CREB3L4: variants seen among roughly 807,000 people sequenced by gnomAD.
The protein encoded by CREB3L4 is cyclic AMP-responsive element-binding protein 3-like protein 4.
A neutral mutation model predicts 37.0 loss-of-function variants in CREB3L4; 28 were observed. The observed-to-expected ratio is 0.76, with a 90% CI of 0.56 to 1.04. The LOEUF is 1.04. CREB3L4 is among the 50% of genes least tolerant of loss of function. The pLI is 0.00. For synonymous variants in CREB3L4, 175 were observed against 192.2 expected (o/e 0.91, Z 0.74); for missense variants, 462 against 486.0 (o/e 0.95, Z 0.46).
At chr1:153,971,581 CTTTTTCTTTT>C (rs1648376609) in intron 4 of CREB3L4, among the ~76,000 whole-genome samples, 1 of 113,666 alleles carries the variant, frequency 8.8e-6, no homozygotes, top group African/African-American at 3.0e-5. Context: ...TTTTCTTTTT[CTTTTTCTTTT>C]TTTTTTTTTT....
rs763524911 is a variant in CREB3L4, at chr1:153,969,176, G to T, written c.421G>T (p.Asp141Tyr). Reference sequence around the variant, plus strand: ...TGTAGGCCTTATCTCCATCCAGCTAGGTCAGTGTTCTTTGTGGGAAGGGGG... The same window carrying T: ...TGTAGGCCTTATCTCCATCCAGCTATGTCAGTGTTCTTTGTGGGAAGGGGG... ...PNVGLISIQLDQWSPAFMVPD... is the reference protein window; with the variant it reads ...PNVGLISIQLYQWSPAFMVPD... Residue 141 changes from aspartate (D) to tyrosine (Y), a missense_variant and splice_region_variant, in exon 3 of 10, where the codon GAT (aspartate) becomes TAT (tyrosine). Transcript: ENST00000368607. The T allele has an allele frequency of 1.1e-5, 18 of 1,613,986 alleles. No individual in the cohort carries two copies. Among genetic ancestry groups the T allele is most frequent in the Non-Finnish European group, 8.5e-7 (1 of 1,180,044 alleles).
chr1:153,973,166 G>C (rs1648562898), intron 6 of CREB3L4, 29 bp from the exon 7 acceptor site: 1 of 1,613,658 alleles, frequency 6.2e-7, no homozygotes, highest in East Asian at 2.2e-5. Flanking sequence ...TCAGGTTGCT[G>C]AGCCTTGTCC....
At position 153,972,773 on chromosome 1, in the gene CREB3L4, TGAG is replaced by T. The variant is rs769844271; in HGVS notation, c.577_579del (p.Glu193del). On this transcript the variant is annotated inframe_deletion, in exon 5 of 10. Transcript: ENST00000368607. ...CCTGTCAAACCCTGTTCCTGACCGA[TGAG>T]GAGAAGCGTCTGCTGGGGCAGGAAG... The T allele has an allele frequency of 1.8e-5, 29 of 1,613,820 alleles. No individual in the cohort carries two copies. The highest frequency in any genetic ancestry group is 7.7e-5 in the South Asian group (7 of 91,068).
Position 153,973,666 on chromosome 1 carries a change from C to A in CREB3L4, c.944C>A (p.Pro315Gln). ...CTCATCATCCTGCCCAGCTTCAGTC[C>A]ATTCCAGAGTCGACCAGAAGCTGGG... Reference protein sequence around the residue: ...LALIILPSFSPFQSRPEAGSE... With the variant: ...LALIILPSFSQFQSRPEAGSE... The change falls in exon 9 of 10, where the codon CCA becomes CAA. Residue 315 changes from proline (P) to glutamine (Q), a missense_variant. Transcript: ENST00000368607. 1 of 1,611,180 alleles carries A rather than the reference C, an allele frequency of 6.2e-7. No homozygotes were observed. Among genetic ancestry groups the A allele is most frequent in the Non-Finnish European group, 8.5e-7 (1 of 1,178,548 alleles).
chr1:153,972,699 C>G (rs1013464843), intron 4 of CREB3L4, 45 bp from the exon 5 acceptor site: 2 of 1,509,558 alleles, frequency 1.3e-6, no homozygotes, highest in Non-Finnish European at 1.8e-6. Flanking sequence ...AATGGGATGA[C>G]CCCCTCCTCA....
At chr1:153,973,327 T>C in intron 7 of CREB3L4, 53 bp from the exon 8 acceptor site, 1 of 1,610,558 alleles carries the variant, frequency 6.2e-7, no homozygotes. Flanking sequence ...AGGGGTGCCA[T>C]TCTTGGCCCC....
chr1:153,967,696 A>T (rs1166151514), upstream of CREB3L4: 1 of 152,242 alleles, frequency 6.6e-6, no homozygotes, highest in Non-Finnish European at 1.5e-5. Flanking sequence ...CTGCGGCCCC[A>T]TTGGCCTGAC....
intron 9 of CREB3L4, 24 bp downstream of exon 9, chr1:153,973,740 A>ACCC: frequency 3.8e-6 from 6 of 1,574,858 alleles, no homozygotes; most frequent in Non-Finnish European, 5.2e-6. Flanking sequence ...GCAGGGAGCA[A>ACCC]CCCCTGGCTG....
intron 5 of CREB3L4, 34 bp downstream of exon 5, chr1:153,972,870 G>A (rs887484599): frequency 6.2e-7 from 1 of 1,607,768 alleles, no homozygotes; most frequent in African/African-American, 1.3e-5. Context: ...TCCCAACCCA[G>A]GGGCCTCACC....
intron 4 of CREB3L4, among the ~76,000 whole-genome samples, chr1:153,970,494 C>G (rs1178510611): frequency 6.6e-6 from 1 of 152,196 alleles, no homozygotes; most frequent in Non-Finnish European, 1.5e-5. Flanking sequence ...TCCACTGGAA[C>G]AGTTGCCCAG....
Position 153,969,369 on chromosome 1 carries a change from T to A in CREB3L4, c.457T>A (p.Cys153Ser), listed in dbSNP as rs147271626. Residue 153 changes from cysteine to serine, a missense_variant, in exon 4 of 10, where the codon TGC becomes AGC. Cys to Ser is a moderately radical substitution (Grantham distance 112). Transcript: ENST00000368607. ...CCCAGCATTTATGGTGCCTGATTCC[T>A]GCATGGTCAGTGAGCTGCCCTTTGA... ...WSPAFMVPDS[C>S]MVSELPFDAH... 5.6e-6 allele frequency: 9 copies of A among 1,614,102 alleles called. No homozygotes were observed. Among genetic ancestry groups the A allele is most frequent in the Non-Finnish European group, 7.6e-6 (9 of 1,180,048 alleles).
In CREB3L4 at chr1:153,969,168, T is replaced by C. The variant is rs1346746659; in HGVS notation, c.413T>C (p.Ile138Thr). 1 of 1,614,120 alleles carries C rather than the reference T, an allele frequency of 6.2e-7. No homozygotes were observed. The highest frequency in any genetic ancestry group is 8.5e-7 in the Non-Finnish European group (1 of 1,180,022). Residue 138 changes from isoleucine to threonine, a missense_variant, in exon 3 of 10, where the codon ATC becomes ACC. Transcript: ENST00000368607. ...GGGCCAAATGTAGGCCTTATCTCCA[T>C]CCAGCTAGGTCAGTGTTCTTTGTGG... ...ETGPNVGLIS[I>T]QLDQWSPAFM...
rs1571115780 is a variant in CREB3L4, at chr1:153,972,606, C to T, written c.544-138C>T. 42 of 650,468 alleles carry T rather than the reference C, an allele frequency of 6.5e-5. No homozygotes were observed. The East Asian group carries it at 1.1e-3, about 17-fold the overall frequency. 40.3% of individuals were successfully genotyped at this position (650,468 alleles called of 1,614,324 possible). A position where few individuals can be genotyped will look rare whatever the true frequency, so the allele number is the denominator to read the frequency against. Reference sequence around the variant, plus strand: ...TGTCTGAATTAAAGTCTCTGCCCCTCACCTCACCTCTAGATTAAAGTTGTC... The same window carrying T: ...TGTCTGAATTAAAGTCTCTGCCCCTTACCTCACCTCTAGATTAAAGTTGTC... On this transcript the variant is annotated intron_variant, in intron 4 of 9. Coordinates refer to ENST00000368607, the MANE Select transcript of CREB3L4 (RefSeq NM_001255978.2).
Position 153,974,176 on chromosome 1 carries a change from A to C in CREB3L4, c.*111A>C, listed in dbSNP as rs572766238. 2 of 1,021,430 alleles carry C rather than the reference A, an allele frequency of 2.0e-6. No homozygotes were observed. Among genetic ancestry groups the C allele is most frequent in the African/African-American group, 3.2e-5 (2 of 62,158 alleles). 63.3% of individuals were successfully genotyped at this position (1,021,430 alleles called of 1,614,324 possible). On this transcript the variant is annotated 3_prime_UTR_variant, in exon 10 of 10. Transcript: ENST00000368607. Reference sequence around the variant, plus strand: ...TTAGGTGTCTGCCCTCAGGGGTCCAAATCACTTCAGGACACCCCAAGAGAT... The same window carrying C: ...TTAGGTGTCTGCCCTCAGGGGTCCACATCACTTCAGGACACCCCAAGAGAT...
In CREB3L4 at chr1:153,969,099, T is replaced by C; in HGVS notation, c.344T>C (p.Val115Ala). 1.2e-6 allele frequency: 2 copies of C among 1,614,090 alleles called. No homozygotes were observed. The highest frequency in any genetic ancestry group is 1.7e-6 in the Non-Finnish European group (2 of 1,179,994). The change falls in exon 3 of 10, where the codon GTT (valine) becomes GCT (alanine). Residue 115 changes from valine (V) to alanine (A), a missense_variant. Val to Ala is a moderately conservative substitution (Grantham distance 64). Coordinates refer to ENST00000368607, the MANE Select transcript of CREB3L4 (RefSeq NM_001255978.2). ...ACCAGTTCTCCTATGCTCTATGAGG[T>C]TGTCTATGAGGCAGGGGCCCTGGAG... ...RATSSPMLYE[V>A]VYEAGALERM... is the part of the protein sequence containing the mutation.
chr1:153,970,727 G>A (rs1648283086), intron 4 of CREB3L4, among the ~76,000 whole-genome samples: 1 of 140,574 alleles, frequency 7.1e-6, no homozygotes, highest in African/African-American at 2.6e-5. Context: ...GCCAAGCTAA[G>A]CATCTTAGAA....
chr1:153,972,387 G>A (rs1390300081), intron 4 of CREB3L4, among the ~76,000 whole-genome samples: 1 of 152,210 alleles, frequency 6.6e-6, no homozygotes, highest in Non-Finnish European at 1.5e-5. Flanking sequence ...TGTGCTTGCT[G>A]TAAGGAAATT....
chr1:153,971,448 T>C (rs1413203073), intron 4 of CREB3L4, among the ~76,000 whole-genome samples: 1 of 152,066 alleles, frequency 6.6e-6, no homozygotes, highest in Non-Finnish European at 1.5e-5. Context: ...GTTATTTCTT[T>C]ATTGTAGAGA....
At position 153,970,990 on chromosome 1, in the gene CREB3L4, G is replaced by A. The variant is rs577857400; in HGVS notation, c.543+1535G>A. 2.3e-3 allele frequency among the ~76,000 whole-genome samples: 335 copies of A among 148,020 alleles called. 2 individuals are homozygous for A. Among genetic ancestry groups the A allele is most frequent in the Non-Finnish European group, 3.7e-3 (248 of 66,934 alleles). ...GATCTCTTGACCTTGTGATCCGCCC[G>A]CCTCAGCCTCCCAAAGTGCTGGGAT... On this transcript the variant is annotated intron_variant, in intron 4 of 9. Coordinates refer to ENST00000368607, the MANE Select transcript of CREB3L4 (RefSeq NM_001255978.2).
Sources: gnomAD v4.1 joint callset for allele counts (sites outside exome capture counted in the v4.1 genomes callset) on GRCh38, gnomAD v4.1.1 for gene constraint, MANE v1.5 for transcripts, NCBI Gene and HGNC (gene_info 2026-07-23, HGNC 2026-07-21) for gene names.